GRAMD1B: variants seen among roughly 807,000 people sequenced by gnomAD.
GRAMD1B encodes the protein protein Aster-B.
GRAMD1B carries 37 observed loss-of-function variants against 99.7 expected under a neutral mutation model. The observed-to-expected ratio is 0.37, with a 90% CI of 0.29 to 0.49. The LOEUF (loss-of-function observed/expected upper bound fraction) is 0.49, where lower values mean the gene tolerates loss of function less well. Among genes scored for constraint, GRAMD1B ranks in the 20% least tolerant of loss-of-function variants. GRAMD1B has a pLI of 0.98. For missense variants in GRAMD1B, 888 were observed against 1,009.2 expected, an observed-to-expected ratio of 0.88 and a Z score of 1.63; for synonymous variants, 427 against 387.6, an observed-to-expected ratio of 1.10 and a Z score of -1.19.
intron 1 of GRAMD1B, among the ~76,000 whole-genome samples, chr11:123,400,712 C>T (rs1454888287): frequency 6.6e-6 from 1 of 152,126 alleles, no homozygotes; most frequent in Non-Finnish European, 1.5e-5. Flanking sequence ...TCCCAAAGGA[C>T]TCACCTCCTA....
At chr11:123,387,706 C>A (rs1947116477) in intron 1 of GRAMD1B, among the ~76,000 whole-genome samples, 2 of 151,650 alleles carry the variant, frequency 1.3e-5, no homozygotes, top group Non-Finnish European at 2.9e-5. Context: ...CATCAGCCTG[C>A]CCCTGCCCTC....
intron 2 of GRAMD1B, chr11:123,526,001 T>G: frequency 1.5e-6 from 1 of 665,872 alleles, no homozygotes; most frequent in Non-Finnish European, 2.7e-6. Context: ...CTTTCTCCCT[T>G]TCTCTCTTTC....
intron 1 of GRAMD1B, among the ~76,000 whole-genome samples, chr11:123,404,374 C>A (rs1029761608): frequency 2.0e-5 from 3 of 152,212 alleles, no homozygotes; most frequent in African/African-American, 7.2e-5. Flanking sequence ...TGATTCCTCA[C>A]TATTGTGGTC....
intron 3 of GRAMD1B, 77 bp from the exon 4 acceptor site, chr11:123,584,235 G>T: frequency 1.3e-6 from 1 of 783,562 alleles, no homozygotes; most frequent in Non-Finnish European, 2.2e-6. Flanking sequence ...TCCGCTGTCT[G>T]TGTGCCCTTC....
intron 2 of GRAMD1B, among the ~76,000 whole-genome samples, chr11:123,534,444 A>G (rs17673113): frequency 0.18 from 28,045 of 152,132 alleles, 2,951 homozygotes; most frequent in Admixed American, 0.24. Flanking sequence ...CACTTGTACA[A>G]TTGCCAAAGA....
At chr11:123,557,081 A>G (rs1946257341) in intron 2 of GRAMD1B, among the ~76,000 whole-genome samples, 1 of 152,108 alleles carries the variant, frequency 6.6e-6, no homozygotes, top group African/African-American at 2.4e-5. Context: ...TAAACTTTCT[A>G]CCTCTTCGTT....
rs746654553 is a variant in GRAMD1B, at chr11:123,610,157, C to T, written c.1777-39C>T. On this transcript the variant is annotated intron_variant, in intron 13 of 19. Transcript: ENST00000635736. This position sits in a 1 kb window ranked among gnomAD's most constrained non-coding sequence, Gnocchi z 4.1. ...AAGGTGCTTTTCCAAGCTTCTTGCT[C>T]CTCTTCAGTTTTGTCCAATGGACCT... 2.5e-6 allele frequency: 4 copies of T among 1,610,012 alleles called. 1 individual carries two copies. In the East Asian group the frequency reaches 8.9e-5, roughly 36 times the overall value.
At chr11:123,498,378 T>C (rs1288551286) in intron 2 of GRAMD1B, among the ~76,000 whole-genome samples, 2 of 152,202 alleles carry the variant, frequency 1.3e-5, no homozygotes, top group African/African-American at 4.8e-5. Flanking sequence ...CTCTCCCAAG[T>C]GTACAGATTC....
At chr11:123,542,819 A>AT (rs1013178786) in intron 2 of GRAMD1B, among the ~76,000 whole-genome samples, 26 of 151,976 alleles carry the variant, frequency 1.7e-4, no homozygotes, top group Non-Finnish European at 2.9e-4. Context: ...TGCCCGGCTA[A>AT]TTTTTTGTAT....
At chr11:123,401,732 T>C (rs1947669399) in intron 1 of GRAMD1B, among the ~76,000 whole-genome samples, 1 of 151,850 alleles carries the variant, frequency 6.6e-6, no homozygotes, top group South Asian at 2.1e-4. Context: ...AAAAAATAAG[T>C]AAATAAATAA....
rs1448275440 is a variant in GRAMD1B at position 123,431,118 on chromosome 11, T to C, written c.326T>C (p.Leu109Pro). The C allele has an allele frequency of 4.3e-6, 3 of 702,868 alleles. No homozygotes were observed. Among genetic ancestry groups the C allele is most frequent in the Non-Finnish European group, 7.8e-6 (3 of 385,000 alleles). The allele number at this position is 702,868 out of a possible 1,614,324, so 43.5% of individuals were successfully genotyped here. ...TCCCCGCGCCGAAAACGCTTCCTCC[T>C]CCGCAAGTGGCTGAGGGTGAGGGAG... ...SASPRRKRFLLRKWLRVRERK... is the reference protein window; with the variant it reads ...SASPRRKRFLPRKWLRVRERK... The change falls in exon 1 of 20, where the codon CTC becomes CCC. Residue 109 changes from leucine to proline, a missense_variant. By Grantham distance (98) the Leu-to-Pro change is moderately conservative. Around this residue, in one of 5 missense-constraint regions of GRAMD1B, gnomAD observed 233 missense variants for 154.6 expected, o/e 1.51. Coordinates refer to ENST00000635736, the MANE Select transcript of GRAMD1B (RefSeq NM_001387025.1).
chr11:123,626,381 C>T lies in GRAMD1B; in HGVS notation c.*3786C>T, dbSNP rs758531222. The T allele has an allele frequency of 1.3e-5, 2 of 151,118 alleles. No individual in the cohort carries two copies. The highest frequency in any genetic ancestry group is 3.0e-5 in the Non-Finnish European group (2 of 67,786). The allele number at this position is 151,118 out of a possible 1,614,324, so 9.4% of individuals were successfully genotyped here. On this transcript the variant is annotated 3_prime_UTR_variant, in exon 20 of 20. Coordinates refer to ENST00000635736, the MANE Select transcript of GRAMD1B (RefSeq NM_001387025.1). ...TCCGTGTCCCTGCCCCCCACCCAAA[C>T]TTGAACTATACCTATTACATTTCCA...
At chr11:123,487,536 G>A (rs1256014167) in intron 2 of GRAMD1B, among the ~76,000 whole-genome samples, 3 of 152,222 alleles carry the variant, frequency 2.0e-5, no homozygotes, top group African/African-American at 7.2e-5. Flanking sequence ...GTCATGCCAC[G>A]TCCTGCTGTG....
intron 9 of GRAMD1B, among the ~76,000 whole-genome samples, chr11:123,604,155 A>C (rs1952384534): frequency 6.6e-6 from 1 of 152,178 alleles, no homozygotes; most frequent in African/African-American, 2.4e-5. Context: ...CTAAATGGAG[A>C]TGCCAAGTGG....
intron 2 of GRAMD1B, chr11:123,491,678 T>C: frequency 2.6e-6 from 1 of 388,154 alleles, no homozygotes; most frequent in Non-Finnish European, 4.5e-6. Flanking sequence ...CCCTGGGCCC[T>C]CCATCTGCCT....
intron 7 of GRAMD1B, among the ~76,000 whole-genome samples, chr11:123,599,655 T>C (rs1951709889): frequency 6.6e-6 from 1 of 152,226 alleles, no homozygotes; most frequent in Non-Finnish European, 1.5e-5. Flanking sequence ...GTATTTTTAG[T>C]AGAGGCAGGG....
chr11:123,465,292 A>T (rs1016887738), intron 1 of GRAMD1B, among the ~76,000 whole-genome samples: 1 of 152,112 alleles, frequency 6.6e-6, no homozygotes, highest in African/African-American at 2.4e-5. Flanking sequence ...TAGAGAGAGG[A>T]GTTCCTTTAG....
intron 1 of GRAMD1B, chr11:123,454,663 C>G (rs146861475): frequency 6.8e-4 from 104 of 152,300 alleles, no homozygotes; most frequent in African/African-American, 2.4e-3. Flanking sequence ...GTACTGCCAC[C>G]AGGCTCTGCG....
chr11:123,596,863 C>T (rs1410070012), intron 7 of GRAMD1B, among the ~76,000 whole-genome samples: 2 of 152,172 alleles, frequency 1.3e-5, no homozygotes, highest in African/African-American at 4.8e-5. Flanking sequence ...TCAGTGCCTT[C>T]CTGGGCTGCC....
Sources: allele counts gnomAD v4.1 joint callset (sites outside exome capture counted in the v4.1 genomes callset), GRCh38; gene constraint gnomAD v4.1.1; regional missense constraint gnomAD v4.1.1; non-coding constraint Gnocchi (gnomAD v3.1); transcripts MANE v1.5; gene names NCBI Gene and HGNC (gene_info 2026-07-23, HGNC 2026-07-21).